ACTRT3: variants seen among roughly 807,000 people sequenced by gnomAD.
The protein encoded by ACTRT3 is actin related protein T3.
ACTRT3 carries 15 observed loss-of-function variants against 17.6 expected under a neutral mutation model. The ratio of observed to expected loss-of-function variants is 0.85; its 90% CI spans 0.57 to 1.31. ACTRT3 has a LOEUF of 1.31. Among genes scored for constraint, ACTRT3 ranks in the 50% most tolerant of loss-of-function variants. The pLI is 0.00. For missense variants in ACTRT3, 457 were observed against 466.7 expected, an observed-to-expected ratio of 0.98 and a Z score of 0.19; for synonymous variants, 169 against 176.4, an observed-to-expected ratio of 0.96 and a Z score of 0.33.
Position 169,768,311 on chromosome 3 carries a change from G to T in ACTRT3, c.240C>A (p.Asp80Glu). 1.9e-6 allele frequency: 3 copies of T among 1,613,314 alleles called. No individual in the cohort carries two copies. In the South Asian group the frequency reaches 3.3e-5, roughly 18 times the overall value. ...AGATATGCTTCCACATGATCTCCAT[G>T]TCCTCCCATGAAGTAATGAGACCAC... is the stretch of plus-strand genomic sequence containing the variant. ...VERGLITSWE[D>E]MEIMWKHIYD... Residue 80 changes from aspartate (D) to glutamate (E), a missense_variant, in exon 2 of 2, where the codon GAC (aspartate) becomes GAA (glutamate). Physicochemically the swap from Asp to Glu is conservative, Grantham distance 45. Coordinates refer to ENST00000330368, the MANE Select transcript of ACTRT3 (RefSeq NM_032487.5).
rs763865259 is a variant in ACTRT3 at position 169,768,269 on chromosome 3, C to T, written c.282G>A (p.Lys94=). ...AGACTGGGCCATCACACGGCTTCAG[C>T]TTTAGGTTATAGTCATAGATATGCT... The part of the protein sequence containing the change: ...MWKHIYDYNL[K]LKPCDGPVLI... The change falls in exon 2 of 2, where the codon AAG becomes AAA. Residue 94 remains lysine (K), a synonymous_variant. Coordinates refer to ENST00000330368, the MANE Select transcript of ACTRT3 (RefSeq NM_032487.5). 6.2e-7 allele frequency: 1 copy of T among 1,613,858 alleles called. No individual in the cohort carries two copies. The highest frequency in any genetic ancestry group is 1.7e-5 in the Admixed American group (1 of 60,012).
Position 169,768,352 on chromosome 3 carries a change from T to A in ACTRT3, c.201-2A>T. ...ATGAGACCACGCTCCACTGGGTAAC[T>A]GTAAGGAAAGCAATAAGATCAATGA... On this transcript the variant is annotated splice_acceptor_variant, in intron 1 of 1. Transcript: ENST00000330368. LOFTEE classifies it high-confidence loss of function. 1 of 1,600,994 alleles carries A rather than the reference T, an allele frequency of 6.2e-7. No homozygotes were observed. The highest frequency in any genetic ancestry group is 8.5e-7 in the Non-Finnish European group (1 of 1,170,406).
In ACTRT3 at chr3:169,769,320, C is replaced by A. The variant is rs776160456; in HGVS notation, c.200+1G>T. The A allele has an allele frequency of 2.6e-6, 4 of 1,531,832 alleles. No homozygotes were observed. Among genetic ancestry groups the A allele is most frequent in the Middle Eastern group, 1.8e-4 (1 of 5,678 alleles). The allele number at this position is 1,531,832 out of a possible 1,614,324, so 94.9% of individuals were successfully genotyped here. The stretch of plus-strand genomic sequence containing the variant: ...AGCAGCCTGCTGGGAGAAGGAGGTA[C>A]CTGATGAACAGCGAGCTCCTCCAGT... On this transcript the variant is annotated splice_donor_variant, in intron 1 of 1. Coordinates refer to ENST00000330368, the MANE Select transcript of ACTRT3 (RefSeq NM_032487.5). LOFTEE classifies it high-confidence loss of function.
In ACTRT3 at chr3:169,767,837, T is replaced by C. The variant is rs1012313806; in HGVS notation, c.714A>G (p.Gln238=). Residue 238 remains glutamine, a synonymous_variant, in exon 2 of 2, where the codon CAA becomes CAG. Transcript: ENST00000330368. ...KKPDCLEKVY[Q]LPDGKVIQLH... is the part of the protein sequence containing the mutation. ...GCTGGATGACCTTCCCATCAGGTAG[T>C]TGGTAAACTTTCTCTAGACAATCGG... is the stretch of plus-strand genomic sequence containing the variant. 2 of 1,614,142 alleles carry C rather than the reference T, an allele frequency of 1.2e-6. No individual in the cohort carries two copies.
Position 169,767,661 on chromosome 3 carries a change from G to A in ACTRT3, c.890C>T (p.Ala297Val), listed in dbSNP as rs1371242835. The A allele has an allele frequency of 6.2e-7, 1 of 1,613,498 alleles. No individual in the cohort carries two copies. Among genetic ancestry groups the A allele is most frequent in the Non-Finnish European group, 8.5e-7 (1 of 1,179,812 alleles). Residue 297 changes from alanine to valine, a missense_variant, in exon 2 of 2, where the codon GCC becomes GTC. Transcript: ENST00000330368. ...ACCAGGGAAAGAGGTTGATCCCCCG[G>A]CAAGGATAATATTGGAAAAGAAGGA... ...RNSFFSNIIL[A>V]GGSTSFPGLD... is the part of the protein sequence containing the mutation.
chr3:169,768,739 A>T (rs1442015242), intron 1 of ACTRT3, among the ~76,000 whole-genome samples: 1 of 151,986 alleles, frequency 6.6e-6, no homozygotes, highest in African/African-American at 2.4e-5. Context: ...CGTGTTAGCC[A>T]CGATGGTCTC....
Position 169,767,715 on chromosome 3 carries a change from A to G in ACTRT3, c.836T>C (p.Ile279Thr). Residue 279 changes from isoleucine to threonine, a missense_variant, in exon 2 of 2, where the codon ATA becomes ACA. Physicochemically the swap from Ile to Thr is moderately conservative, Grantham distance 89. Coordinates refer to ENST00000330368, the MANE Select transcript of ACTRT3 (RefSeq NM_032487.5). The part of the protein sequence containing the change: ...PGIDKICFSS[I>T]MKCDTGLRNS... The stretch of plus-strand genomic sequence containing the variant: ...CCTCAGGCCTGTATCACATTTCATT[A>G]TGCTGCTGAAGCATATCTTATCAAT... 1 of 1,614,062 alleles carries G rather than the reference A, an allele frequency of 6.2e-7. No individual in the cohort carries two copies. Among genetic ancestry groups the G allele is most frequent in the Non-Finnish European group, 8.5e-7 (1 of 1,180,026 alleles).
At position 169,767,596 on chromosome 3, in the gene ACTRT3, G is replaced by A; in HGVS notation, c.955C>T (p.Pro319Ser). The change falls in exon 2 of 2, where the codon CCT becomes TCT. Residue 319 changes from proline to serine, a missense_variant. Physicochemically the swap from Pro to Ser is moderately conservative, Grantham distance 74. Coordinates refer to ENST00000330368, the MANE Select transcript of ACTRT3 (RefSeq NM_032487.5). ...RLVKDIAKVAPANTAVQVIAP... is the reference protein window; with the variant it reads ...RLVKDIAKVASANTAVQVIAP... ...ATAACTTGCACAGCGGTGTTGGCAG[G>A]AGCCACCTTTGCTATATCCTTAACT... The A allele has an allele frequency of 1.2e-6, 2 of 1,614,014 alleles. No individual in the cohort carries two copies. The highest frequency in any genetic ancestry group is 1.1e-5 in the South Asian group (1 of 91,082).
intron 1 of ACTRT3, 91 bp from the exon 2 acceptor site, chr3:169,768,441 C>G (rs1778022196): frequency 1.7e-6 from 2 of 1,208,792 alleles, no homozygotes; most frequent in Non-Finnish European, 2.3e-6. Flanking sequence ...CGTTTATTAC[C>G]AATATCCCTT....
In ACTRT3 at chr3:169,767,351, C is replaced by T; in HGVS notation, c.*81G>A. On this transcript the variant is annotated 3_prime_UTR_variant, in exon 2 of 2. Transcript: ENST00000330368. ...CATCCCAATAGGTGAAGTATTTTCTCTTCTCCCAGAAACATATAATATCCA... is the reference window on the plus strand; with the variant it reads ...CATCCCAATAGGTGAAGTATTTTCTTTTCTCCCAGAAACATATAATATCCA... 1 of 1,303,342 alleles carries T rather than the reference C, an allele frequency of 7.7e-7. No homozygotes were observed. The highest frequency in any genetic ancestry group is 1.7e-5 in the South Asian group (1 of 57,862). The allele number at this position is 1,303,342 out of a possible 1,614,324, so 80.7% of individuals were successfully genotyped here.
In ACTRT3 at chr3:169,769,394, G is replaced by T. The variant is rs146844941; in HGVS notation, c.127C>A (p.Arg43Ser). The T allele has an allele frequency of 1.6e-4, 263 of 1,605,340 alleles. No homozygotes were observed. The highest frequency in any genetic ancestry group is 2.2e-4 in the Non-Finnish European group (255 of 1,178,092). Residue 43 changes from arginine (R) to serine (S), a missense_variant, in exon 1 of 2, where the codon CGC becomes AGC. Transcript: ENST00000330368. ...NIIGRAKGQS[R>S]AAQGGLELCV... ...AGTTCTAGCCCGCCCTGGGCCGCGCGGCTCTGGCCCTTGGCGCGGCCGATA... is the reference window on the plus strand; with the variant it reads ...AGTTCTAGCCCGCCCTGGGCCGCGCTGCTCTGGCCCTTGGCGCGGCCGATA...
chr3:169,767,783 C>T lies in ACTRT3; in HGVS notation c.768G>A (p.Glu256=). Residue 256 remains glutamate, a synonymous_variant, in exon 2 of 2, where the codon GAG becomes GAA. Transcript: ENST00000330368. ...QLHDQLFSCP[E]ALFSPCHMNL... ...TCATATGACACGGAGAGAAGAGGGC[C>T]TCTGGACAAGAAAAGAGCTGGTCAT... 6.2e-7 allele frequency: 1 copy of T among 1,614,122 alleles called. No individual in the cohort carries two copies. Among genetic ancestry groups the T allele is most frequent in the Non-Finnish European group, 8.5e-7 (1 of 1,180,028 alleles).
In ACTRT3 at chr3:169,767,839, G is replaced by T; in HGVS notation, c.712C>A (p.Gln238Lys). 6.2e-7 allele frequency: 1 copy of T among 1,614,086 alleles called. No individual in the cohort carries two copies. The highest frequency in any genetic ancestry group is 8.5e-7 in the Non-Finnish European group (1 of 1,179,984). The part of the protein sequence containing the change: ...KKPDCLEKVY[Q>K]LPDGKVIQLH... ...TGGATGACCTTCCCATCAGGTAGTT[G>T]GTAAACTTTCTCTAGACAATCGGGT... Residue 238 changes from glutamine (Q) to lysine (K), a missense_variant, in exon 2 of 2, where the codon CAA becomes AAA. Gln to Lys is a moderately conservative substitution (Grantham distance 53, BLOSUM62 1). Transcript: ENST00000330368.
intron 1 of ACTRT3, among the ~76,000 whole-genome samples, 160 bp from the exon 2 acceptor site, chr3:169,768,510 A>G (rs963912656): frequency 2.0e-5 from 3 of 151,298 alleles, no homozygotes; most frequent in African/African-American, 7.3e-5. Flanking sequence ...AAAATAGCAC[A>G]GCTACTTACC....
intron 1 of ACTRT3, among the ~76,000 whole-genome samples, chr3:169,768,624 T>C (rs915581832): frequency 6.7e-6 from 1 of 150,332 alleles, no homozygotes; most frequent in African/African-American, 2.4e-5. Flanking sequence ...GCCTCCCGGG[T>C]TCACGCCATT....
rs1778020512 is a variant in ACTRT3, at chr3:169,768,359, A to C, written c.201-9T>G. 2 of 1,596,306 alleles carry C rather than the reference A, an allele frequency of 1.3e-6. No individual in the cohort carries two copies. The highest frequency in any genetic ancestry group is 4.5e-5 in the East Asian group (2 of 44,460). On this transcript the variant is annotated splice_polypyrimidine_tract_variant and intron_variant, in intron 1 of 1. Coordinates refer to ENST00000330368, the MANE Select transcript of ACTRT3 (RefSeq NM_032487.5). ...CACGCTCCACTGGGTAACTGTAAGG[A>C]AAGCAATAAGATCAATGACAGCTTT...
intron 1 of ACTRT3, among the ~76,000 whole-genome samples, 155 bp from the exon 2 acceptor site, chr3:169,768,505 A>G (rs973464157): frequency 2.6e-5 from 4 of 151,802 alleles, no homozygotes; most frequent in African/African-American, 9.7e-5. Flanking sequence ...AGCCAAAAAT[A>G]GCACAGCTAC....
Position 169,768,092 on chromosome 3 carries a change from A to G in ACTRT3, c.459T>C (p.Asn153=). The change falls in exon 2 of 2, where the codon AAT becomes AAC. Residue 153 remains asparagine (N), a synonymous_variant. Coordinates refer to ENST00000330368, the MANE Select transcript of ACTRT3 (RefSeq NM_032487.5). ...CACTCTGGGTAACCCCAGCACCTGA[A>G]TTCAGCACAAGGCCAGTAGTGAAGC... ...AAGFTTGLVL[N]SGAGVTQSVP... 6.2e-7 allele frequency: 1 copy of G among 1,614,096 alleles called. No individual in the cohort carries two copies. Among genetic ancestry groups the G allele is most frequent in the East Asian group, 2.2e-5 (1 of 44,872 alleles).
At position 169,769,417 on chromosome 3, in the gene ACTRT3, A is replaced by G; in HGVS notation, c.104T>C (p.Ile35Thr). 3 of 1,607,910 alleles carry G rather than the reference A, an allele frequency of 1.9e-6. No individual in the cohort carries two copies. Among genetic ancestry groups the G allele is most frequent in the Non-Finnish European group, 2.5e-6 (3 of 1,178,624 alleles). ...REPQFIYPNI[I>T]GRAKGQSRAA... ...GCGGCTCTGGCCCTTGGCGCGGCCG[A>G]TAATGTTCGGGTAGATAAACTGGGG... The change falls in exon 1 of 2, where the codon ATC becomes ACC. Residue 35 changes from isoleucine to threonine, a missense_variant. Transcript: ENST00000330368.
Sources: gnomAD v4.1 joint callset for allele counts (sites outside exome capture counted in the v4.1 genomes callset) on GRCh38, gnomAD v4.1.1 for gene constraint, MANE v1.5 for transcripts, NCBI Gene and HGNC (gene_info 2026-07-23, HGNC 2026-07-21) for gene names.